The following MTPN variants were observed in gnomAD, a reference collection of about 807,000 sequenced individuals.
MTPN encodes granule cell differentiation protein.
In MTPN, 2 loss-of-function variants were observed where a neutral mutation model predicts 13.5. The observed-to-expected ratio is 0.15, with a 90% CI of 0.06 to 0.47. MTPN has a LOEUF of 0.47. Among genes scored for constraint, MTPN ranks in the 20% least tolerant of loss-of-function variants. MTPN has a pLI of 0.97. For missense variants in MTPN, 79 were observed against 137.9 expected (o/e 0.57, Z 2.14); for synonymous variants, 46 against 51.7 (o/e 0.89, Z 0.48).
chr7:135,958,443 C>T (rs1196506450), intron 1 of MTPN, among the ~76,000 whole-genome samples: 2 of 152,140 alleles, frequency 1.3e-5, no homozygotes, highest in Admixed American at 1.3e-4. Flanking sequence ...GAAAGTTATA[C>T]AATCTCAGTG....
intron 1 of MTPN, among the ~76,000 whole-genome samples, chr7:135,972,259 A>ACACC (rs984456704): frequency 2.7e-5 from 3 of 111,270 alleles, no homozygotes; most frequent in African/African-American, 6.6e-5. Context: ...ACACACACAC[A>ACACC]CCCCATGTAG....
chr7:135,969,085 G>A, intron 1 of MTPN, among the ~76,000 whole-genome samples: 1 of 61,492 alleles, frequency 1.6e-5, no homozygotes, highest in South Asian at 5.6e-4. Context: ...GACTGTTGTG[G>A]GGTGGGGGGG....
At chr7:135,965,127 T>C (rs1247898791) in intron 1 of MTPN, among the ~76,000 whole-genome samples, 1 of 152,148 alleles carries the variant, frequency 6.6e-6, no homozygotes, top group African/African-American at 2.4e-5. Context: ...CTATTAAGCA[T>C]TGGCCTCTCT....
chr7:135,930,787 C>CA (rs1454695512), intron 3 of MTPN, among the ~76,000 whole-genome samples: 1 of 152,124 alleles, frequency 6.6e-6, no homozygotes, highest in African/African-American at 2.4e-5. Flanking sequence ...AATCTGCTCC[C>CA]AAACCAGGTC....
chr7:135,951,497 T>A lies in MTPN; in HGVS notation c.186+20A>T, dbSNP rs1212055625. The stretch of plus-strand genomic sequence containing the variant: ...TATTAACAGAAAATTTTTTCAAGAA[T>A]GATCACGTCCTCTACGTACATTAAT... On this transcript the variant is annotated intron_variant, in intron 2 of 3. Transcript: ENST00000393085. 5.2e-6 allele frequency: 8 copies of A among 1,538,708 alleles called. No individual in the cohort carries two copies. The South Asian group carries it at 9.6e-5, about 18-fold the overall frequency.
intron 1 of MTPN, among the ~76,000 whole-genome samples, chr7:135,959,221 A>G (rs553383763): frequency 8.3e-4 from 127 of 152,282 alleles, no homozygotes; most frequent in African/African-American, 2.9e-3. Flanking sequence ...TACTTATTCT[A>G]ATTCTAGACA....
chr7:135,955,613 G>T (rs1293545065), intron 1 of MTPN, among the ~76,000 whole-genome samples: 1 of 152,088 alleles, frequency 6.6e-6, no homozygotes, highest in Non-Finnish European at 1.5e-5. Context: ...ACAAGACAAA[G>T]ATGTTATAAG....
chr7:135,972,635 C>T (rs1799713882), intron 1 of MTPN, among the ~76,000 whole-genome samples: 1 of 152,122 alleles, frequency 6.6e-6, no homozygotes, highest in African/African-American at 2.4e-5. Context: ...ATCTACCCTC[C>T]AGGAGTTCAG....
chr7:135,936,099 C>T (rs1039312631), intron 3 of MTPN, among the ~76,000 whole-genome samples: 1 of 152,110 alleles, frequency 6.6e-6, no homozygotes, highest in African/African-American at 2.4e-5. Context: ...CTCCTTTTAC[C>T]AGACTAACTA....
chr7:135,964,003 TATAAAGAAAGACTATCAAA>T lies in MTPN; in HGVS notation c.73-12392_73-12374del, dbSNP rs140782962. 0.017 allele frequency among the ~76,000 whole-genome samples: 2,555 copies of T among 152,154 alleles called. 93 individuals carry two copies. In the East Asian group the frequency reaches 0.18, roughly 11 times the overall value. Reference sequence around the variant, plus strand: ...ATTTTAATAACAAAACACGTGTTTATATAAAGAAAGACTATCAAAATTAAGAAAATCCATTTAAAACATT... The same window carrying T: ...ATTTTAATAACAAAACACGTGTTTATATTAAGAAAATCCATTTAAAACATT... On this transcript the variant is annotated intron_variant, in intron 1 of 3. Coordinates refer to ENST00000393085, the MANE Select transcript of MTPN (RefSeq NM_145808.4).
chr7:135,964,938 C>T (rs193172506), intron 1 of MTPN, among the ~76,000 whole-genome samples: 2 of 152,108 alleles, frequency 1.3e-5, no homozygotes, highest in Admixed American at 1.3e-4. Flanking sequence ...TGGGTCAAAG[C>T]CAGCATGCTG....
intron 1 of MTPN, among the ~76,000 whole-genome samples, chr7:135,967,194 T>C (rs1799619433): frequency 6.6e-6 from 1 of 152,124 alleles, no homozygotes; most frequent in Non-Finnish European, 1.5e-5. Context: ...TCAAGTCTAA[T>C]AACTTGTTAG....
intron 1 of MTPN, among the ~76,000 whole-genome samples, chr7:135,963,949 T>C (rs1234222109): frequency 1.3e-5 from 2 of 152,070 alleles, no homozygotes; most frequent in Non-Finnish European, 2.9e-5. Flanking sequence ...AATGGTGAAG[T>C]ATTTTTTAAA....
chr7:135,947,139 T>G (rs1434558064), intron 3 of MTPN, among the ~76,000 whole-genome samples: 1 of 152,214 alleles, frequency 6.6e-6, no homozygotes, highest in Non-Finnish European at 1.5e-5. Context: ...GTTATTCACA[T>G]ACTAATTCAC....
intron 3 of MTPN, among the ~76,000 whole-genome samples, chr7:135,937,342 A>G (rs1489404537): frequency 6.6e-6 from 1 of 151,786 alleles, no homozygotes; most frequent in East Asian, 1.9e-4. Flanking sequence ...ACTTCTATAT[A>G]TATATAGATC....
chr7:135,943,527 A>G (rs938726451), intron 3 of MTPN, among the ~76,000 whole-genome samples: 18 of 152,352 alleles, frequency 1.2e-4, no homozygotes, highest in African/African-American at 3.8e-4. Context: ...CTATTTCCTC[A>G]GCAGACTGAA....
intron 1 of MTPN, among the ~76,000 whole-genome samples, chr7:135,966,984 G>A (rs1011639720): frequency 6.6e-6 from 1 of 152,074 alleles, no homozygotes; most frequent in African/African-American, 2.4e-5. Flanking sequence ...GGCTGGAGAG[G>A]GCGGTGAAGA....
chr7:135,971,433 T>C (rs1799692355), intron 1 of MTPN, among the ~76,000 whole-genome samples: 1 of 151,668 alleles, frequency 6.6e-6, no homozygotes, highest in Non-Finnish European at 1.5e-5. Context: ...TGATTATTTT[T>C]ACTATTTACT....
intron 1 of MTPN, among the ~76,000 whole-genome samples, chr7:135,957,410 A>G (rs904557784): frequency 1.2e-4 from 18 of 152,072 alleles, no homozygotes; most frequent in Admixed American, 4.6e-4. Context: ...GAACCCAAGA[A>G]AGGTCTTAAG....
Sources: gnomAD v4.1 joint callset for allele counts (sites outside exome capture counted in the v4.1 genomes callset) on GRCh38, gnomAD v4.1.1 for gene constraint, MANE v1.5 for transcripts, NCBI Gene and HGNC (gene_info 2026-07-23, HGNC 2026-07-21) for gene names.